Variants in HOOK1 observed in about 807,000 individuals in gnomAD.
The protein encoded by HOOK1 is protein Hook homolog 1.
HOOK1 carries 60 observed loss-of-function variants against 112.8 expected under a neutral mutation model. That is an observed-to-expected ratio of 0.53 (90% CI 0.43 to 0.66). HOOK1 has a LOEUF of 0.66. HOOK1 is among the 30% of genes least tolerant of loss of function. HOOK1 has a pLI of 0.00. For missense variants in HOOK1, 770 were observed against 856.0 expected (o/e 0.90, Z 1.25); for synonymous variants, 294 against 283.8 (o/e 1.04, Z -0.36).
In HOOK1 at chr1:59,842,232, C is replaced by G. The variant is rs75229866; in HGVS notation, c.622-1200C>G. On this transcript the variant is annotated intron_variant, in intron 8 of 21. Transcript: ENST00000371208. ...AGATATTCTTTTCTTTGTGCCCTACCCTTACCCTATAGTGTACTTCTATCA... is the reference window on the plus strand; with the variant it reads ...AGATATTCTTTTCTTTGTGCCCTACGCTTACCCTATAGTGTACTTCTATCA... Among the ~76,000 whole-genome samples, 1,298 of 152,170 alleles carry G rather than the reference C, an allele frequency of 8.5e-3. 14 individuals carry two copies. The highest frequency in any genetic ancestry group is 0.03 in the African/African-American group (1,228 of 41,522).
chr1:59,850,832 T>C (rs951556020), intron 12 of HOOK1, among the ~76,000 whole-genome samples: 8 of 151,408 alleles, frequency 5.3e-5, no homozygotes, highest in Non-Finnish European at 1.2e-4. Context: ...AAGATAGTAA[T>C]AATAGGGGAG....
intron 2 of HOOK1, 37 bp from the exon 3 acceptor site, chr1:59,828,743 A>G (rs369162025): frequency 1.1e-5 from 17 of 1,592,270 alleles, no homozygotes; most frequent in East Asian, 9.0e-5. Context: ...TAATAAAAAC[A>G]TTTTCATCTT....
Position 59,860,175 on chromosome 1 carries a change from T to C in HOOK1, c.1392-13T>C. The C allele has an allele frequency of 6.4e-7, 1 of 1,554,518 alleles. No homozygotes were observed. Among genetic ancestry groups the C allele is most frequent in the Non-Finnish European group, 8.6e-7 (1 of 1,156,156 alleles). ...TTTTAAAAATTAAAAAAGATTTTGC[T>C]TTGTAACATCAGGGAGGTGTTTATT... On this transcript the variant is annotated splice_polypyrimidine_tract_variant and intron_variant, in intron 14 of 21. Transcript: ENST00000371208.
At chr1:59,862,677 C>T in intron 15 of HOOK1, 107 bp from the exon 16 acceptor site, 1 of 657,020 alleles carries the variant, frequency 1.5e-6, no homozygotes, top group Non-Finnish European at 2.8e-6. Flanking sequence ...TTTGTCATTG[C>T]TATAAAAATA....
At position 59,833,687 on chromosome 1, in the gene HOOK1, G is replaced by A. The variant is rs115210278; in HGVS notation, c.406+150G>A. ...ATCTGAATTCTAGCCCAACTCTGTC[G>A]TTGAAAAGTGGCATACCTTGAGTGT... On this transcript the variant is annotated intron_variant, in intron 5 of 21. Coordinates refer to ENST00000371208, the MANE Select transcript of HOOK1 (RefSeq NM_015888.6). 2,659 of 574,726 alleles carry A rather than the reference G, an allele frequency of 4.6e-3. 7 individuals are homozygous for A. The highest frequency in any genetic ancestry group is 6.3e-3 in the Non-Finnish European group (2,262 of 361,064). 35.6% of individuals were successfully genotyped at this position (574,726 alleles called of 1,614,324 possible). A position where few individuals can be genotyped will look rare whatever the true frequency, so the allele number is the denominator to read the frequency against.
chr1:59,856,113 CTT>C (rs759844337), intron 12 of HOOK1, among the ~76,000 whole-genome samples: 7 of 113,988 alleles, frequency 6.1e-5, no homozygotes, highest in Admixed American at 9.1e-5. Context: ...TTTTGCTTTG[CTT>C]TTTTTTTTTT....
chr1:59,835,577 C>T (rs2098397018), intron 6 of HOOK1, among the ~76,000 whole-genome samples, 165 bp downstream of exon 6: 1 of 152,008 alleles, frequency 6.6e-6, no homozygotes, highest in Non-Finnish European at 1.5e-5. Context: ...TTTTAAAAGG[C>T]CTTTAAGCCC....
At chr1:59,852,052 T>G (rs927793994) in intron 12 of HOOK1, among the ~76,000 whole-genome samples, 3 of 151,864 alleles carry the variant, frequency 2.0e-5, no homozygotes, top group Middle Eastern at 3.4e-3. Context: ...AAAAGTATAT[T>G]GCCAGATTCA....
intron 12 of HOOK1, 96 bp downstream of exon 12, chr1:59,849,279 C>T (rs2098405831): frequency 1.5e-6 from 1 of 652,446 alleles, no homozygotes; most frequent in Non-Finnish European, 2.5e-6. Flanking sequence ...TCTACCAGTT[C>T]TCTCTTCCTC....
chr1:59,838,103 A>G (rs1319091965), intron 7 of HOOK1, among the ~76,000 whole-genome samples: 1 of 152,186 alleles, frequency 6.6e-6, no homozygotes, highest in African/African-American at 2.4e-5. Flanking sequence ...TTTGATGGAC[A>G]TTTGGGTTGG....
Position 59,849,114 on chromosome 1 carries a change from G to A in HOOK1, c.1173G>A (p.Arg391=), listed in dbSNP as rs747403342. The change falls in exon 12 of 22, where the codon AGG becomes AGA. Residue 391 remains arginine, a synonymous_variant. Transcript: ENST00000371208. Reference sequence around the variant, plus strand: ...TTAAACTTTCCTCCGAATCCAAGAGGGCAGACACACTAGCGTTTGAAATGA... The same window carrying A: ...TTAAACTTTCCTCCGAATCCAAGAGAGCAGACACACTAGCGTTTGAAATGA... ...LHVKLSSESK[R]ADTLAFEMKR... is the part of the protein sequence containing the mutation. 2 of 1,609,082 alleles carry A rather than the reference G, an allele frequency of 1.2e-6. No individual in the cohort carries two copies. Among genetic ancestry groups the A allele is most frequent in the Non-Finnish European group, 1.7e-6 (2 of 1,176,726 alleles).
intron 1 of HOOK1, among the ~76,000 whole-genome samples, chr1:59,818,582 G>T (rs12116569): frequency 0.21 from 31,237 of 152,086 alleles, 3,502 homozygotes; most frequent in Non-Finnish European, 0.25. Flanking sequence ...TCTGCTACTT[G>T]GTTCTGTGAC....
chr1:59,825,265 C>A (rs980410506), intron 2 of HOOK1, among the ~76,000 whole-genome samples: 1 of 152,148 alleles, frequency 6.6e-6, no homozygotes, highest in Non-Finnish European at 1.5e-5. Flanking sequence ...TTTGATAGTA[C>A]AGAACAACTG....
chr1:59,821,749 GTT>G (rs111605995), intron 1 of HOOK1, 107 bp from the exon 2 acceptor site: 119 of 589,246 alleles, frequency 2.0e-4, no homozygotes, highest in East Asian at 2.6e-4. Flanking sequence ...ACAGGACCAT[GTT>G]TTTTTTTTTT....
At chr1:59,835,475 T>A (rs1350034404) in intron 6 of HOOK1, 63 bp downstream of exon 6, 4 of 895,824 alleles carry the variant, frequency 4.5e-6, no homozygotes, top group Non-Finnish European at 7.1e-6. Flanking sequence ...AAACTTTTCA[T>A]ACTTTATGCT....
At chr1:59,832,274 T>C in intron 4 of HOOK1, 61 bp downstream of exon 4, 3 of 971,776 alleles carry the variant, frequency 3.1e-6, no homozygotes, top group East Asian at 2.6e-5. Context: ...ACTTTAAGAC[T>C]GAAAAATCAC....
intron 7 of HOOK1, among the ~76,000 whole-genome samples, chr1:59,838,337 C>T (rs952098764): frequency 2.6e-5 from 4 of 152,154 alleles, no homozygotes; most frequent in Non-Finnish European, 5.9e-5. Flanking sequence ...CCTATTTTTC[C>T]ACAGCCTCTC....
intron 3 of HOOK1, 65 bp from the exon 4 acceptor site, chr1:59,832,098 A>G: frequency 2.3e-6 from 2 of 885,236 alleles, no homozygotes; most frequent in South Asian, 1.7e-5. Context: ...ATTGTCTTTC[A>G]TGCTGACATA....
At chr1:59,820,142 G>T (rs560798378) in intron 1 of HOOK1, among the ~76,000 whole-genome samples, 6 of 152,272 alleles carry the variant, frequency 3.9e-5, no homozygotes, top group Non-Finnish European at 5.9e-5. Context: ...TTAAGAATCA[G>T]TTGGAGATTT....
Sources: allele counts gnomAD v4.1 joint callset (sites outside exome capture counted in the v4.1 genomes callset), GRCh38; gene constraint gnomAD v4.1.1; transcripts MANE v1.5; gene names NCBI Gene and HGNC (gene_info 2026-07-23, HGNC 2026-07-21).